SALL3: variants seen among roughly 807,000 people sequenced by gnomAD.
SALL3 encodes the protein sal-like protein 3.
In SALL3, 25 loss-of-function variants were observed where a neutral mutation model predicts 66.2. That is an observed-to-expected ratio of 0.38 (90% CI 0.28 to 0.53). SALL3 has a LOEUF of 0.53. Among genes scored for constraint, SALL3 ranks in the 20% least tolerant of loss-of-function variants. SALL3 has a pLI of 0.85. For missense variants in SALL3, 2,194 were observed against 1,916.5 expected, an observed-to-expected ratio of 1.14 and a Z score of -2.70; for synonymous variants, 1,152 against 899.1, an observed-to-expected ratio of 1.28 and a Z score of -5.03.
intron 1 of SALL3, among the ~76,000 whole-genome samples, chr18:78,981,299 A>G (rs1386914467): frequency 6.6e-6 from 1 of 151,974 alleles, no homozygotes; most frequent in Admixed American, 6.5e-5. Flanking sequence ...CGGGGCCCCC[A>G]GGGCGCCAGG....
At position 78,996,943 on chromosome 18, in the gene SALL3, G is replaced by C; in HGVS notation, c.3524G>C (p.Arg1175Pro). 2 of 1,613,346 alleles carry C rather than the reference G, an allele frequency of 1.2e-6. No homozygotes were observed. The highest frequency in any genetic ancestry group is 1.7e-6 in the Non-Finnish European group (2 of 1,179,802). Reference protein sequence around the residue: ...WNNAPARRGRRLSVENPMALL... With the variant: ...WNNAPARRGRPLSVENPMALL... Reference sequence around the variant, plus strand: ...AACGCCCCCGCGAGACGCGGCCGCCGCCTGTCTGTGGAGAACCCCATGGCT... The same window carrying C: ...AACGCCCCCGCGAGACGCGGCCGCCCCCTGTCTGTGGAGAACCCCATGGCT... Residue 1175 changes from arginine to proline, a missense_variant, in exon 3 of 3, where the codon CGC (arginine) becomes CCC (proline). Coordinates refer to ENST00000537592, the MANE Select transcript of SALL3 (RefSeq NM_171999.4).
In SALL3 at chr18:78,992,645, C is replaced by T; in HGVS notation, c.654C>T (p.His218=). ...QLMALQQQQI[H]QLQLIEQIRS... The stretch of plus-strand genomic sequence containing the variant: ...TGGCCCTGCAGCAGCAGCAGATCCA[C>T]CAGCTGCAGCTCATCGAGCAGATCC... Residue 218 remains histidine, a synonymous_variant, in exon 2 of 3, where the codon CAC becomes CAT. Coordinates refer to ENST00000537592, the MANE Select transcript of SALL3 (RefSeq NM_171999.4). 1 of 1,548,624 alleles carries T rather than the reference C, an allele frequency of 6.5e-7. No individual in the cohort carries two copies. Among genetic ancestry groups the T allele is most frequent in the Non-Finnish European group, 8.7e-7 (1 of 1,153,506 alleles).
intron 1 of SALL3, among the ~76,000 whole-genome samples, chr18:78,981,163 T>G (rs1914053468): frequency 6.6e-6 from 1 of 152,100 alleles, no homozygotes; most frequent in African/African-American, 2.4e-5. Context: ...GCCGCGAAAG[T>G]TAAGAGACTG....
rs1463633441 is a variant in SALL3, at chr18:78,995,318, G to A, written c.3327G>A (p.Thr1109=). ...TGCTGGCCCCCCCACCGCGCCGGAC[G>A]CCCAAGCAGCACAACTGCCAGTCGT... ...APMLAPPPRR[T]PKQHNCQSCG... is the part of the protein sequence containing the mutation. Residue 1109 remains threonine (T), a synonymous_variant, in exon 2 of 3, where the codon ACG becomes ACA. Transcript: ENST00000537592. 1 of 1,568,644 alleles carries A rather than the reference G, an allele frequency of 6.4e-7. No individual in the cohort carries two copies. The highest frequency in any genetic ancestry group is 8.6e-7 in the Non-Finnish European group (1 of 1,162,860).
Position 78,994,143 on chromosome 18 carries a change from A to T in SALL3, c.2152A>T (p.Thr718Ser). 6.2e-7 allele frequency: 1 copy of T among 1,612,994 alleles called. No homozygotes were observed. The highest frequency in any genetic ancestry group is 8.5e-7 in the Non-Finnish European group (1 of 1,179,968). Residue 718 changes from threonine (T) to serine (S), a missense_variant, in exon 2 of 3, where the codon ACC (threonine) becomes TCC (serine). By Grantham distance (58) the Thr-to-Ser change is moderately conservative. Transcript: ENST00000537592. ...CAAGATCTGCGGCCGCGCCTTCACC[A>T]CCAAGGGCAACCTCAAGACGCACTT... ...KCKICGRAFT[T>S]KGNLKTHFGV...
In SALL3 at chr18:78,997,468, C is replaced by G. The variant is rs956427244; in HGVS notation, c.*146C>G. 1 of 702,156 alleles carries G rather than the reference C, an allele frequency of 1.4e-6. No individual in the cohort carries two copies. Among genetic ancestry groups the G allele is most frequent in the Admixed American group, 2.8e-5 (1 of 35,530 alleles). 43.5% of individuals were successfully genotyped at this position (702,156 alleles called of 1,614,324 possible). A position where few individuals can be genotyped will look rare whatever the true frequency, so the allele number is the denominator to read the frequency against. On this transcript the variant is annotated 3_prime_UTR_variant, in exon 3 of 3. Transcript: ENST00000537592. ...GGCTGCCGAGAGGTGGTCTTGTAAG[C>G]GCTGCATGGCGCTCCCTTCAACAGC... is the stretch of plus-strand genomic sequence containing the variant.
chr18:78,982,418 C>T (rs1253261831), intron 1 of SALL3, among the ~76,000 whole-genome samples: 2 of 152,148 alleles, frequency 1.3e-5, no homozygotes, highest in African/African-American at 2.4e-5. Flanking sequence ...CCCAAAATAC[C>T]CTGTGTGGGG....
chr18:78,988,404 TA>T (rs1175560001), intron 1 of SALL3, among the ~76,000 whole-genome samples: 3 of 152,208 alleles, frequency 2.0e-5, no homozygotes, highest in Admixed American at 2.0e-4. Flanking sequence ...GGAAGCAGTT[TA>T]TAAGAACTTA....
Position 78,980,245 on chromosome 18 carries a change from C to T in SALL3, c.-30C>T, listed in dbSNP as rs1913966329. 6 of 1,164,588 alleles carry T rather than the reference C, an allele frequency of 5.2e-6. No individual in the cohort carries two copies. Among genetic ancestry groups the T allele is most frequent in the Non-Finnish European group, 6.5e-6 (6 of 928,896 alleles). The allele number at this position is 1,164,588 out of a possible 1,614,324, so 72.1% of individuals were successfully genotyped here. A position where few individuals can be genotyped will look rare whatever the true frequency, so the allele number is the denominator to read the frequency against. On this transcript the variant is annotated 5_prime_UTR_variant, in exon 1 of 3. Transcript: ENST00000537592. ...CCGGCCGCCCCGCTGATGCCGCTGC[C>T]CCGCGCGGGGCCCGAGCGCCGCTAG...
chr18:78,988,476 T>A (rs562190920), intron 1 of SALL3, among the ~76,000 whole-genome samples: 20 of 152,246 alleles, frequency 1.3e-4, no homozygotes, highest in Non-Finnish European at 2.4e-4. Flanking sequence ...AATGTCTTTC[T>A]AGTTCTCAGG....
At position 78,995,504 on chromosome 18, in the gene SALL3, G is replaced by C. The variant is rs778267975; in HGVS notation, c.3471+42G>C. ...CTCCAGCCCCGGCTGCGGTGCGGCC[G>C]AGCCACGGTGGCTTTCTCCATCACC... On this transcript the variant is annotated intron_variant, in intron 2 of 2. Transcript: ENST00000537592. 9 of 1,499,718 alleles carry C rather than the reference G, an allele frequency of 6.0e-6. No homozygotes were observed. In the South Asian group the frequency reaches 1.2e-4, roughly 20 times the overall value. 92.9% of individuals were successfully genotyped at this position (1,499,718 alleles called of 1,614,324 possible). A position where few individuals can be genotyped will look rare whatever the true frequency, so the allele number is the denominator to read the frequency against.
At position 78,993,254 on chromosome 18, in the gene SALL3, A is replaced by T. The variant is rs557496624; in HGVS notation, c.1263A>T (p.Lys421Asn). Residue 421 changes from lysine (K) to asparagine (N), a missense_variant, in exon 2 of 3, where the codon AAA (lysine) becomes AAT (asparagine). Transcript: ENST00000537592. ...ASAEDPFFKH[K>N]CRFCAKVFGS... ...CCGAGGACCCGTTCTTCAAGCACAA[A>T]TGCCGCTTCTGCGCCAAGGTCTTCG... 20 of 1,610,712 alleles carry T rather than the reference A, an allele frequency of 1.2e-5. No individual in the cohort carries two copies. The African/African-American group carries it at 2.4e-4, about 19-fold the overall frequency.
Position 78,992,206 on chromosome 18 carries a change from G to C in SALL3, c.215G>C (p.Ser72Thr). Residue 72 changes from serine to threonine, a missense_variant, in exon 2 of 3, where the codon AGC becomes ACC. By Grantham distance (58) the Ser-to-Thr change is moderately conservative (BLOSUM62 1). Coordinates refer to ENST00000537592, the MANE Select transcript of SALL3 (RefSeq NM_171999.4). ...KWADFLEHQR[S>T]CTKLPPVLIV... ...GCGGACTTCCTGGAGCACCAGCGGA[G>C]CTGCACCAAGCTCCCGCCCGTGCTG... The C allele has an allele frequency of 3.1e-6, 5 of 1,609,764 alleles. No individual in the cohort carries two copies. Among genetic ancestry groups the C allele is most frequent in the Non-Finnish European group, 4.2e-6 (5 of 1,179,092 alleles).
At position 78,993,132 on chromosome 18, in the gene SALL3, G is replaced by C; in HGVS notation, c.1141G>C (p.Ala381Pro). The change falls in exon 2 of 3, where the codon GCG becomes CCG. Residue 381 changes from alanine to proline, a missense_variant. Ala to Pro is a conservative substitution (Grantham distance 27). Transcript: ENST00000537592. Reference protein sequence around the residue: ...VIFPNPLVSIAATANALDPLS... With the variant: ...VIFPNPLVSIPATANALDPLS... ...CTTCCCCAACCCGCTGGTCAGCATC[G>C]CGGCCACGGCCAACGCTCTGGACCC... 1 of 1,605,334 alleles carries C rather than the reference G, an allele frequency of 6.2e-7. No homozygotes were observed. Among genetic ancestry groups the C allele is most frequent in the Non-Finnish European group, 8.5e-7 (1 of 1,177,560 alleles).
intron 1 of SALL3, among the ~76,000 whole-genome samples, chr18:78,991,320 C>T (rs535863249): frequency 7.8e-6 from 1 of 128,596 alleles, no homozygotes; most frequent in African/African-American, 2.9e-5. Flanking sequence ...TAGGCCTAGA[C>T]TGTATTGATT....
intron 1 of SALL3, among the ~76,000 whole-genome samples, chr18:78,983,961 C>T (rs1055867156): frequency 6.6e-6 from 1 of 152,206 alleles, no homozygotes; most frequent in Non-Finnish European, 1.5e-5. Context: ...TAATTCCCAG[C>T]TTGCAGAGAG....
In SALL3 at chr18:78,980,165, C is replaced by A. The variant is rs1240793480; in HGVS notation, c.-110C>A. On this transcript the variant is annotated 5_prime_UTR_variant, in exon 1 of 3. Transcript: ENST00000537592. ...GCCCCATGCGCGGCCCGCGCAGCCG[C>A]CGCCGCCCCGCGCCCCGCGCCGCGC... 2.3e-5 allele frequency: 5 copies of A among 221,770 alleles called. No homozygotes were observed. Among genetic ancestry groups the A allele is most frequent in the Non-Finnish European group, 3.7e-5 (5 of 135,330 alleles). The allele number at this position is 221,770 out of a possible 1,614,324, so 13.7% of individuals were successfully genotyped here. A position where few individuals can be genotyped will look rare whatever the true frequency, so the allele number is the denominator to read the frequency against.
chr18:78,989,974 T>G (rs1914371494), intron 1 of SALL3, among the ~76,000 whole-genome samples: 1 of 152,220 alleles, frequency 6.6e-6, no homozygotes, highest in African/African-American at 2.4e-5. Flanking sequence ...GTAGAAATTC[T>G]TTGCATTTTG....
rs1052286419 is a variant in SALL3 at position 78,993,780 on chromosome 18, G to A, written c.1789G>A (p.Glu597Lys). ...CGGCGGGCCGCCCCTCACTAAAGCC[G>A]AGCCCGTCAGCCTGCCCTGCACCAA... ...LLGGPPLTKAEPVSLPCTNAR... is the reference protein window; with the variant it reads ...LLGGPPLTKAKPVSLPCTNAR... The change falls in exon 2 of 3, where the codon GAG (glutamate) becomes AAG (lysine). Residue 597 changes from glutamate to lysine, a missense_variant. Glu to Lys is a moderately conservative substitution (Grantham distance 56). Transcript: ENST00000537592. 7 of 1,549,698 alleles carry A rather than the reference G, an allele frequency of 4.5e-6. No individual in the cohort carries two copies. Among genetic ancestry groups the A allele is most frequent in the Middle Eastern group, 1.7e-4 (1 of 5,908 alleles).
Sources: gnomAD v4.1 joint callset for allele counts (sites outside exome capture counted in the v4.1 genomes callset) on GRCh38, gnomAD v4.1.1 for gene constraint, MANE v1.5 for transcripts, NCBI Gene and HGNC (gene_info 2026-07-23, HGNC 2026-07-21) for gene names.